LRP1B: variants seen among roughly 807,000 people sequenced by gnomAD.
The protein encoded by LRP1B is low-density lipoprotein receptor-related protein 1B.
In LRP1B, 217 loss-of-function variants were observed where a neutral mutation model predicts 556.6. The ratio of observed to expected loss-of-function variants is 0.39; its 90% CI spans 0.35 to 0.44. LRP1B has a LOEUF of 0.44. LRP1B is among the 20% of genes least tolerant of loss of function. The pLI, the probability that LRP1B is intolerant of heterozygous loss-of-function variation, is 1.00. For synonymous variants in LRP1B, 2,047 were observed against 1,865.8 expected (o/e 1.10, Z -2.50); for missense variants, 5,053 against 5,620.8 (o/e 0.90, Z 3.23).
At chr2:141,931,247 A>G (rs10187450) in intron 1 of LRP1B, among the ~76,000 whole-genome samples, 14,131 of 152,060 alleles carry the variant, frequency 0.093, 753 homozygotes, top group African/African-American at 0.15. Context: ...ACCTGGAAGG[A>G]TATAAAGGTG....
intron 66 of LRP1B, among the ~76,000 whole-genome samples, chr2:140,422,237 C>T (rs926171405): frequency 6.6e-6 from 1 of 152,098 alleles, no homozygotes; most frequent in African/African-American, 2.4e-5. Context: ...GAAAGCAGTA[C>T]ATAAATATAC....
intron 53 of LRP1B, 82 bp from the exon 54 acceptor site, chr2:140,503,185 G>T (rs76928339): frequency 8.8e-7 from 1 of 1,141,862 alleles, no homozygotes; most frequent in East Asian, 2.4e-5. Context: ...ACACTACACC[G>T]GATTAATGTG....
chr2:140,579,801 C>T (rs1681687591), intron 43 of LRP1B, among the ~76,000 whole-genome samples: 1 of 152,102 alleles, frequency 6.6e-6, no homozygotes, highest in African/African-American at 2.4e-5. Context: ...GAGATCGCGC[C>T]ACTGCACTCC....
At position 140,598,880 on chromosome 2, in the gene LRP1B, A is replaced by G. The variant is rs765582186; in HGVS notation, c.6990-45T>C. 6 of 1,319,138 alleles carry G rather than the reference A, an allele frequency of 4.5e-6. No individual in the cohort carries two copies. In the East Asian group the frequency reaches 1.5e-4, roughly 32 times the overall value. 81.7% of individuals were successfully genotyped at this position (1,319,138 alleles called of 1,614,324 possible). On this transcript the variant is annotated intron_variant, in intron 42 of 90. Transcript: ENST00000389484. ...TAACTATAAATTAAACTTCTCATCA[A>G]GAGTAAAAATACTAATAGAAACATG...
intron 45 of LRP1B, among the ~76,000 whole-genome samples, chr2:140,537,143 C>T (rs566165488): frequency 6.7e-6 from 1 of 149,028 alleles, no homozygotes; most frequent in South Asian, 2.1e-4. Context: ...TGCACTCCAG[C>T]CTGGGCAACA....
chr2:140,757,982 A>G (rs1688793576), intron 35 of LRP1B, among the ~76,000 whole-genome samples: 1 of 152,226 alleles, frequency 6.6e-6, no homozygotes, highest in South Asian at 2.1e-4. Flanking sequence ...TTCTTGATGA[A>G]AAATTCTACA....
intron 1 of LRP1B, among the ~76,000 whole-genome samples, chr2:141,971,642 G>C (rs1367692798): frequency 6.6e-6 from 1 of 151,470 alleles, no homozygotes; most frequent in South Asian, 2.1e-4. Flanking sequence ...ATATTGCAGA[G>C]AGAGCCCATA....
chr2:142,115,053 C>A (rs1044627457), intron 1 of LRP1B, among the ~76,000 whole-genome samples: 1 of 151,752 alleles, frequency 6.6e-6, no homozygotes, highest in Non-Finnish European at 1.5e-5. Context: ...AATAGAAATA[C>A]ATAAGGTAAT....
intron 2 of LRP1B, among the ~76,000 whole-genome samples, chr2:141,623,764 C>T (rs911882155): frequency 1.4e-4 from 21 of 151,744 alleles, no homozygotes; most frequent in Non-Finnish European, 2.8e-4. Flanking sequence ...AGCCTGTAAT[C>T]CCAGCATTTT....
chr2:141,971,650 A>G (rs1419315668), intron 1 of LRP1B, among the ~76,000 whole-genome samples: 1 of 151,566 alleles, frequency 6.6e-6, no homozygotes, highest in East Asian at 1.9e-4. Context: ...GAGAGAGCCC[A>G]TAAGGCATCA....
intron 3 of LRP1B, chr2:141,286,649 G>A: frequency 4.8e-6 from 2 of 416,442 alleles, no homozygotes; most frequent in Non-Finnish European, 9.9e-6. Flanking sequence ...CGATACAAGA[G>A]AGATAACATC....
chr2:141,280,021 G>A (rs1183318517), intron 3 of LRP1B, among the ~76,000 whole-genome samples: 1 of 151,962 alleles, frequency 6.6e-6, no homozygotes, highest in Admixed American at 6.6e-5. Flanking sequence ...GAATTTAGTA[G>A]CAAAAGCCCA....
At chr2:140,866,781 C>A (rs560880115) in intron 27 of LRP1B, among the ~76,000 whole-genome samples, 15 of 152,044 alleles carry the variant, frequency 9.9e-5, no homozygotes, top group Non-Finnish European at 1.6e-4. Context: ...TTAGTCAAGT[C>A]TAAAAGATAC....
intron 1 of LRP1B, among the ~76,000 whole-genome samples, chr2:141,832,071 A>T (rs931184003): frequency 3.3e-5 from 5 of 151,570 alleles, no homozygotes; most frequent in African/African-American, 1.2e-4. Flanking sequence ...TCATTCTCAT[A>T]TGTCTTTCTA....
intron 32 of LRP1B, among the ~76,000 whole-genome samples, chr2:140,808,988 T>C (rs1374588631): frequency 1.3e-5 from 2 of 152,050 alleles, no homozygotes; most frequent in Non-Finnish European, 2.9e-5. Context: ...TTTTTTCTAC[T>C]AAAGTCCCCT....
At chr2:140,420,031 A>G (rs1328662353) in intron 66 of LRP1B, among the ~76,000 whole-genome samples, 1 of 151,590 alleles carries the variant, frequency 6.6e-6, no homozygotes, top group African/African-American at 2.4e-5. Context: ...AAAAAAAAAA[A>G]AGGAAAGTTA....
At position 141,807,712 on chromosome 2, in the gene LRP1B, G is replaced by A. The variant is rs868174119; in HGVS notation, c.205+2567C>T. On this transcript the variant is annotated intron_variant, in intron 2 of 90. Transcript: ENST00000389484. ...TCTGCTAAAAGCCCCTAAACTCTGT[G>A]AACTGAAGGACCACCTTTTTACACA... is the stretch of plus-strand genomic sequence containing the variant. Among the ~76,000 whole-genome samples the A allele has an allele frequency of 8.5e-5, 13 of 152,182 alleles. No individual in the cohort carries two copies. In the Middle Eastern group the frequency reaches 0.01, roughly 119 times the overall value.
chr2:141,819,150 A>G (rs1696668474), intron 1 of LRP1B, among the ~76,000 whole-genome samples: 1 of 151,880 alleles, frequency 6.6e-6, no homozygotes, highest in Admixed American at 6.6e-5. Flanking sequence ...AGGGAGGAGA[A>G]TCACTTGAAC....
chr2:140,766,921 T>G lies in LRP1B; in HGVS notation c.5758+2292A>C, dbSNP rs533970729. ...TATTTTACTTCCCACTTATTTGATATTTTTGTTACCATTCTCTGAGCACCA... is the reference window on the plus strand; with the variant it reads ...TATTTTACTTCCCACTTATTTGATAGTTTTGTTACCATTCTCTGAGCACCA... On this transcript the variant is annotated intron_variant, in intron 35 of 90. Coordinates refer to ENST00000389484, the MANE Select transcript of LRP1B (RefSeq NM_018557.3). Among the ~76,000 whole-genome samples the G allele has an allele frequency of 2.0e-5, 3 of 149,778 alleles. No individual in the cohort carries two copies. In the East Asian group the frequency reaches 5.9e-4, roughly 29 times the overall value.
Sources: allele counts gnomAD v4.1 joint callset (sites outside exome capture counted in the v4.1 genomes callset), GRCh38; gene constraint gnomAD v4.1.1; transcripts MANE v1.5; gene names NCBI Gene and HGNC (gene_info 2026-07-23, HGNC 2026-07-21).